Variants in SHROOM4 observed in about 807,000 individuals in gnomAD.
SHROOM4 encodes protein Shroom4.
Under a neutral mutation model 80.3 loss-of-function variants are expected in SHROOM4, and 17 were observed. The ratio of observed to expected loss-of-function variants is 0.21; its 90% confidence interval spans 0.14 to 0.32. The LOEUF (loss-of-function observed/expected upper bound fraction) is 0.32. SHROOM4 is among the 10% of genes least tolerant of loss of function. SHROOM4 has a pLI of 1.00. For synonymous variants in SHROOM4, 400 were observed against 437.5 expected (o/e 0.91, Z 1.07); for missense variants, 993 against 1,140.3 (o/e 0.87, Z 1.86).
At chrX:50,747,239 C>T (rs1380266596) in intron 1 of SHROOM4, among the ~76,000 whole-genome samples, 1 of 112,258 alleles carries the variant, frequency 8.9e-6, no homozygotes, top group African/African-American at 3.2e-5. Context: ...AGAATTCCAA[C>T]TATATGGCTT....
At chrX:50,697,247 G>T (rs142456039) in intron 1 of SHROOM4, among the ~76,000 whole-genome samples, 1 of 111,570 alleles carries the variant, frequency 9.0e-6, no homozygotes, top group Non-Finnish European at 1.9e-5. Context: ...GAAAGGGAAC[G>T]TAAGGATAAT....
In SHROOM4 at chrX:50,673,831, CAT is replaced by C. The variant is rs1401923742; in HGVS notation, c.269+21953_269+21954del. 2.8e-5 allele frequency among the ~76,000 whole-genome samples: 3 copies of C among 109,040 alleles called. No homozygotes were observed. The Admixed American group carries it at 3.0e-4, about 11-fold the overall frequency. 94.7% of individuals were successfully genotyped at this position (109,040 alleles called of 115,157 possible). Reference sequence around the variant, plus strand: ...TAAAACTGTCGCTTTTTGGAGATAACATATGTTGAAAATCCCAAAGAATCTAA... The same window carrying C: ...TAAAACTGTCGCTTTTTGGAGATAACATGTTGAAAATCCCAAAGAATCTAA... On this transcript the variant is annotated intron_variant, in intron 2 of 8. Coordinates refer to ENST00000376020, the MANE Select transcript of SHROOM4 (RefSeq NM_020717.5).
intron 2 of SHROOM4, among the ~76,000 whole-genome samples, chrX:50,653,778 G>T (rs1932205506): frequency 8.9e-6 from 1 of 111,987 alleles, no homozygotes. Flanking sequence ...CATGAAGGGT[G>T]TTGAGCTTTA....
intron 1 of SHROOM4, among the ~76,000 whole-genome samples, chrX:50,811,184 G>A (rs781864268): frequency 1.8e-5 from 2 of 110,897 alleles, no homozygotes; most frequent in Non-Finnish European, 3.8e-5. Context: ...GCGTGTGCCT[G>A]TAGTCCCAGC....
intron 1 of SHROOM4, among the ~76,000 whole-genome samples, chrX:50,775,182 G>A (rs1382153673): frequency 9.0e-6 from 1 of 111,507 alleles, no homozygotes; most frequent in Non-Finnish European, 1.9e-5. Context: ...GCAGATACCA[G>A]TTTGGGCCCA....
At chrX:50,633,098 T>G in intron 4 of SHROOM4, 80 bp downstream of exon 4, 1 of 917,776 alleles carries the variant, frequency 1.1e-6, no homozygotes, top group Non-Finnish European at 1.5e-6. Flanking sequence ...TTATAATTGT[T>G]ATATTTTTAA....
At position 50,627,662 on chromosome X, in the gene SHROOM4, T is replaced by C. The variant is rs2281571; in HGVS notation, c.2909A>G (p.Asp970Gly). Residue 970 changes from aspartate to glycine, a missense_variant, in exon 5 of 9, where the codon GAC becomes GGC. By Grantham distance (94) the Asp-to-Gly change is moderately conservative. Coordinates refer to ENST00000376020, the MANE Select transcript of SHROOM4 (RefSeq NM_020717.5). Reference protein sequence around the residue: ...RKLTVQEFPGDKWNPITGNRK... With the variant: ...RKLTVQEFPGGKWNPITGNRK... ...GTTTCCTGTTATTGGATTCCATTTG[T>C]CCCCAGGAAATTCCTGTAAAGAAAA... 363 of 1,208,124 alleles carry C rather than the reference T, an allele frequency of 3.0e-4. 4 individuals carry two copies. The East Asian group carries it at 0.011, about 36-fold the overall frequency.
In SHROOM4 at chrX:50,607,622, G is replaced by A; in HGVS notation, c.3520C>T (p.Leu1174Phe). 3.3e-6 allele frequency: 4 copies of A among 1,211,314 alleles called. No homozygotes were observed. The highest frequency in any genetic ancestry group is 4.5e-6 in the Non-Finnish European group (4 of 895,312). ...FSSETSGSCA[L>F]NPEEVLEQPQ... is the part of the protein sequence containing the mutation. ...TGCTCTAGGACCTCCTCAGGATTGA[G>A]AGCACAGGAACCAGAGGTTTCTGAA... The change falls in exon 6 of 9, where the codon CTC becomes TTC. Residue 1174 changes from leucine to phenylalanine, a missense_variant. Physicochemically the swap from Leu to Phe is conservative, Grantham distance 22. Coordinates refer to ENST00000376020, the MANE Select transcript of SHROOM4 (RefSeq NM_020717.5).
At chrX:50,656,584 C>T (rs187694490) in intron 2 of SHROOM4, among the ~76,000 whole-genome samples, 1 of 111,302 alleles carries the variant, frequency 9.0e-6, no homozygotes, top group South Asian at 3.7e-4. Context: ...TATTTTTGGG[C>T]TCTCTCTTCT....
intron 2 of SHROOM4, among the ~76,000 whole-genome samples, chrX:50,685,773 A>G (rs191593077): frequency 8.9e-6 from 1 of 112,171 alleles, no homozygotes; most frequent in African/African-American, 3.2e-5. Flanking sequence ...TTTTAGCTCT[A>G]GCAGTACATT....
intron 1 of SHROOM4, among the ~76,000 whole-genome samples, chrX:50,808,349 C>A (rs566491711): frequency 9.0e-6 from 1 of 111,721 alleles, no homozygotes; most frequent in East Asian, 2.8e-4. Flanking sequence ...AATGAGCTCC[C>A]CTGTGACTAC....
Position 50,589,045 on chromosome X carries a change from C to G in SHROOM4, c.*7650G>C. Among the ~76,000 whole-genome samples, 1 of 111,962 alleles carries G rather than the reference C, an allele frequency of 8.9e-6. No individual in the cohort carries two copies. Reference sequence around the variant, plus strand: ...CCCCTCCTTCCCAATAGTAGTCCCTCCCATCTCTCTTATTTTTGCTGAAGT... The same window carrying G: ...CCCCTCCTTCCCAATAGTAGTCCCTGCCATCTCTCTTATTTTTGCTGAAGT... On this transcript the variant is annotated 3_prime_UTR_variant, in exon 9 of 9. Transcript: ENST00000376020.
intron 1 of SHROOM4, among the ~76,000 whole-genome samples, chrX:50,787,835 T>G (rs1475833831): frequency 1.9e-5 from 2 of 106,843 alleles, no homozygotes; most frequent in Admixed American, 2.0e-4. Context: ...TTCAAAAAGA[T>G]GAAGAGATTA....
intron 5 of SHROOM4, among the ~76,000 whole-genome samples, chrX:50,616,725 C>T (rs1265357921): frequency 9.0e-6 from 1 of 111,613 alleles, no homozygotes; most frequent in African/African-American, 3.3e-5. Context: ...AGCAATTCAC[C>T]TAAAGGATTC....
intron 1 of SHROOM4, among the ~76,000 whole-genome samples, chrX:50,760,512 T>C (rs1935134097): frequency 1.8e-5 from 2 of 109,504 alleles, no homozygotes; most frequent in Non-Finnish European, 3.8e-5. Context: ...TAATTTTCTA[T>C]CTTTCTTTAG....
rs1471034906 is a variant in SHROOM4, at chrX:50,590,348, G to A, written c.*6347C>T. Among the ~76,000 whole-genome samples the A allele has an allele frequency of 1.8e-5, 2 of 111,032 alleles. No homozygotes were observed. The highest frequency in any genetic ancestry group is 9.5e-5 in the Admixed American group (1 of 10,476). Reference sequence around the variant, plus strand: ...TGCAAGCTCCGCCTCCTGGGTTCACGCCATTCTCCTGCCTCAGCCTCCCGA... The same window carrying A: ...TGCAAGCTCCGCCTCCTGGGTTCACACCATTCTCCTGCCTCAGCCTCCCGA... On this transcript the variant is annotated 3_prime_UTR_variant, in exon 9 of 9. Coordinates refer to ENST00000376020, the MANE Select transcript of SHROOM4 (RefSeq NM_020717.5).
chrX:50,604,292 T>G (rs1448753304), intron 6 of SHROOM4, among the ~76,000 whole-genome samples: 1 of 111,772 alleles, frequency 8.9e-6, no homozygotes, highest in Non-Finnish European at 1.9e-5. Flanking sequence ...TATATACATA[T>G]ATAATTGAAT....
chrX:50,627,862 T>G (rs1283819012), intron 4 of SHROOM4, among the ~76,000 whole-genome samples, 187 bp from the exon 5 acceptor site: 1 of 111,866 alleles, frequency 8.9e-6, no homozygotes, highest in Non-Finnish European at 1.9e-5. Flanking sequence ...CTTGCTAAAC[T>G]GCTGCAGACA....
chrX:50,700,204 GT>G (rs1219398189), intron 1 of SHROOM4, among the ~76,000 whole-genome samples: 1 of 112,135 alleles, frequency 8.9e-6, no homozygotes, highest in Non-Finnish European at 1.9e-5. Context: ...TGATGTGTTT[GT>G]TTTTTTGTTT....
Sources: allele counts gnomAD v4.1 joint callset (sites outside exome capture counted in the v4.1 genomes callset), GRCh38; gene constraint gnomAD v4.1.1; transcripts MANE v1.5; gene names NCBI Gene and HGNC (gene_info 2026-07-23, HGNC 2026-07-21).